The following MYO5A variants were observed in gnomAD, a reference collection of about 807,000 sequenced individuals.
MYO5A encodes the protein unconventional myosin-Va.
In MYO5A, 98 loss-of-function variants were observed where a neutral mutation model predicts 249.7. The observed-to-expected ratio is 0.39, with a 90% CI of 0.33 to 0.46. MYO5A has a LOEUF of 0.46. Among genes scored for constraint, MYO5A ranks in the 20% least tolerant of loss-of-function variants. The probability of loss-of-function intolerance (pLI) is 0.98; values close to 1 mark genes in which losing one functional copy is unlikely to be tolerated. For synonymous variants in MYO5A, 778 were observed against 810.6 expected (o/e 0.96, Z 0.68); for missense variants, 1,696 against 2,308.8 (o/e 0.73, Z 5.44).
At chr15:52,360,914 G>A (rs1370354023) in intron 24 of MYO5A, among the ~76,000 whole-genome samples, 3 of 152,150 alleles carry the variant, frequency 2.0e-5, no homozygotes, top group Non-Finnish European at 4.4e-5. Context: ...CAGTGTTACA[G>A]TCCTGAGGGC....
intron 9 of MYO5A, among the ~76,000 whole-genome samples, chr15:52,403,765 A>G (rs956663911): frequency 1.3e-5 from 2 of 152,230 alleles, no homozygotes; most frequent in African/African-American, 4.8e-5. Flanking sequence ...GAGGGTTTAA[A>G]TTAGAATCAT....
rs1458802557 is a variant in MYO5A at position 52,330,503 on chromosome 15, T to C, written c.4409-4A>G. On this transcript the variant is annotated splice_polypyrimidine_tract_variant and splice_region_variant and intron_variant, in intron 34 of 41. Transcript: ENST00000399233. ...GATATGTTCTCCATCTGGCCCACTTTATGAGAAGTAAGAAAGGAGGAGAAA... is the reference window on the plus strand; with the variant it reads ...GATATGTTCTCCATCTGGCCCACTTCATGAGAAGTAAGAAAGGAGGAGAAA... 16 of 1,614,030 alleles carry C rather than the reference T, an allele frequency of 9.9e-6. No individual in the cohort carries two copies. Among genetic ancestry groups the C allele is most frequent in the Admixed American group, 1.7e-5 (1 of 60,008 alleles).
intron 1 of MYO5A, among the ~76,000 whole-genome samples, chr15:52,521,431 T>C (rs941209111): frequency 6.6e-6 from 1 of 152,158 alleles, no homozygotes; most frequent in Non-Finnish European, 1.5e-5. Flanking sequence ...GCCAGGACTA[T>C]ATGTTTTTGT....
Position 52,474,314 on chromosome 15 carries a change from T to C in MYO5A, c.28-41029A>G, listed in dbSNP as rs1272967863. Among the ~76,000 whole-genome samples the C allele has an allele frequency of 5.9e-5, 9 of 152,344 alleles. No individual in the cohort carries two copies. In the East Asian group the frequency reaches 9.6e-4, roughly 16 times the overall value. ...CTGAGACAATGGGGTTTTCTAAATA[T>C]ACAATCATGTCATCTGCAAACAGGG... is the stretch of plus-strand genomic sequence containing the variant. On this transcript the variant is annotated intron_variant, in intron 1 of 41. Coordinates refer to ENST00000399233, the MANE Select transcript of MYO5A (RefSeq NM_001382347.1).
rs1328204679 is a variant in MYO5A at position 52,528,768 on chromosome 15, G to C, written c.27+12C>G. 8.0e-6 allele frequency: 12 copies of C among 1,505,634 alleles called. No homozygotes were observed. The highest frequency in any genetic ancestry group is 1.1e-5 in the Non-Finnish European group (12 of 1,134,122). The allele number at this position is 1,505,634 out of a possible 1,614,324, so 93.3% of individuals were successfully genotyped here. ...AGCCCCAGTCCTCGACGCCGGCCGC[G>C]GGGTGCCTTACCTTTGTGTAGAGCT... is the stretch of plus-strand genomic sequence containing the variant. On this transcript the variant is annotated intron_variant, in intron 1 of 41. Transcript: ENST00000399233.
At chr15:52,447,868 CA>C (rs1377641367) in intron 1 of MYO5A, among the ~76,000 whole-genome samples, 1 of 152,164 alleles carries the variant, frequency 6.6e-6, no homozygotes, top group African/African-American at 2.4e-5. Flanking sequence ...TTCTAAGCAG[CA>C]AAGTGTTCAA....
At chr15:52,478,760 GAC>G (rs1372351345) in intron 1 of MYO5A, among the ~76,000 whole-genome samples, 1 of 152,154 alleles carries the variant, frequency 6.6e-6, no homozygotes, top group African/African-American at 2.4e-5. Context: ...GTACTGGAGA[GAC>G]AAACTGTTCA....
At chr15:52,507,151 G>A (rs763038232) in intron 1 of MYO5A, among the ~76,000 whole-genome samples, 5 of 152,130 alleles carry the variant, frequency 3.3e-5, no homozygotes, top group Admixed American at 1.3e-4. Context: ...ATTTGTCTTC[G>A]AACCTCTATA....
intron 2 of MYO5A, among the ~76,000 whole-genome samples, chr15:52,430,771 C>T (rs1020335061): frequency 6.6e-6 from 1 of 151,918 alleles, no homozygotes; most frequent in Non-Finnish European, 1.5e-5. Context: ...TATGGATTAG[C>T]AATTCTGAAA....
rs551409376 is a variant in MYO5A at position 52,311,242 on chromosome 15, T to C, written c.*2454A>G. The C allele has an allele frequency of 1.3e-5, 2 of 152,388 alleles. No individual in the cohort carries two copies. Among genetic ancestry groups the C allele is most frequent in the Admixed American group, 6.5e-5 (1 of 15,294 alleles). 9.4% of individuals were successfully genotyped at this position (152,388 alleles called of 1,614,324 possible). The stretch of plus-strand genomic sequence containing the variant: ...GACCTGAGAAGATTCAGGGTGCACG[T>C]TGAGTCGTGCTACACAGGATGAAGC... On this transcript the variant is annotated 3_prime_UTR_variant, in exon 42 of 42. Transcript: ENST00000399233.
At chr15:52,429,550 G>A (rs12909874) in intron 2 of MYO5A, among the ~76,000 whole-genome samples, 74,245 of 151,896 alleles carry the variant, frequency 0.49, 21,521 homozygotes, top group Non-Finnish European at 0.64. Flanking sequence ...TTATCCAGGC[G>A]TGGTGGTGGG....
chr15:52,452,007 A>G (rs2076029672), intron 1 of MYO5A, among the ~76,000 whole-genome samples: 1 of 152,208 alleles, frequency 6.6e-6, no homozygotes, highest in Non-Finnish European at 1.5e-5. Flanking sequence ...ATTAAATCTA[A>G]GAGACTACCA....
intron 1 of MYO5A, among the ~76,000 whole-genome samples, chr15:52,443,267 A>T (rs1238124124): frequency 6.6e-6 from 1 of 152,198 alleles, no homozygotes; most frequent in African/African-American, 2.4e-5. Context: ...TCTACCAAAA[A>T]TGAGGTTAGT....
Position 52,425,967 on chromosome 15 carries a change from G to C in MYO5A, c.318C>G (p.Val106=). The change falls in exon 4 of 42, where the codon GTC becomes GTG. Residue 106 remains valine, a synonymous_variant. Transcript: ENST00000399233. ...GTTCATAGGGATTTATAGCTACTAG[G>C]ACTATACCTGGGAATAGGGTAGGGG... ...SKLIYTYCGI[V]LVAINPYEQL... is the part of the protein sequence containing the mutation. The C allele has an allele frequency of 6.2e-7, 1 of 1,612,422 alleles. No individual in the cohort carries two copies. The highest frequency in any genetic ancestry group is 1.1e-5 in the South Asian group (1 of 91,036).
intron 1 of MYO5A, among the ~76,000 whole-genome samples, chr15:52,500,826 T>C (rs2077140302): frequency 6.6e-6 from 1 of 152,134 alleles, no homozygotes. Flanking sequence ...TCTTCTTAGT[T>C]CATGCCTAAT....
At chr15:52,423,154 G>C (rs1244707193) in intron 4 of MYO5A, among the ~76,000 whole-genome samples, 2 of 152,140 alleles carry the variant, frequency 1.3e-5, no homozygotes, top group African/African-American at 4.8e-5. Flanking sequence ...CATGAATGAT[G>C]AATTGTACCT....
Position 52,353,536 on chromosome 15 carries a change from A to G in MYO5A, c.3621+69T>C, listed in dbSNP as rs2040055259. ...CCCTTAAGGATGTTCTCTGAGAAAA[A>G]GAGAGGCTCTGAATGGGCCTCTTGC... On this transcript the variant is annotated intron_variant, in intron 27 of 41. Transcript: ENST00000399233. The G allele has an allele frequency of 2.5e-5, 33 of 1,312,014 alleles. No homozygotes were observed. The South Asian group carries it at 3.8e-4, about 15-fold the overall frequency. The allele number at this position is 1,312,014 out of a possible 1,614,324, so 81.3% of individuals were successfully genotyped here. A position where few individuals can be genotyped will look rare whatever the true frequency, so the allele number is the denominator to read the frequency against.
intron 22 of MYO5A, among the ~76,000 whole-genome samples, chr15:52,367,908 C>CAG (rs1567057882): frequency 6.6e-6 from 1 of 151,084 alleles, no homozygotes; most frequent in African/African-American, 2.4e-5. Context: ...CACACACACA[C>CAG]ACACACAAGT....
intron 1 of MYO5A, among the ~76,000 whole-genome samples, chr15:52,494,970 A>G (rs1398160651): frequency 4.6e-5 from 7 of 152,252 alleles, no homozygotes; most frequent in Non-Finnish European, 2.9e-5. Context: ...TCCTATTGGC[A>G]AATTAATTTT....
Sources: gnomAD v4.1 joint callset for allele counts (sites outside exome capture counted in the v4.1 genomes callset) on GRCh38, gnomAD v4.1.1 for gene constraint, MANE v1.5 for transcripts, NCBI Gene and HGNC (gene_info 2026-07-23, HGNC 2026-07-21) for gene names.